Variants in RPS6KC1 observed in about 807,000 individuals in gnomAD.
RPS6KC1 encodes ribosomal protein S6 kinase C1, also known as inactive ribosomal protein S6 kinase delta-1.
A neutral mutation model predicts 103.8 loss-of-function variants in RPS6KC1; 54 were observed. The observed-to-expected ratio is 0.52, with a 90% CI of 0.42 to 0.65. The LOEUF is 0.65. RPS6KC1 is among the 30% of genes least tolerant of loss of function. The pLI is 0.00. For missense variants in RPS6KC1, 1,151 were observed against 1,253.8 expected, an observed-to-expected ratio of 0.92 and a Z score of 1.24; for synonymous variants, 439 against 438.7, an observed-to-expected ratio of 1.00 and a Z score of -0.01.
At chr1:213,806,148 C>T in the RPS6KC1 span, among the ~76,000 whole-genome samples, 6 of 152,128 alleles carry the variant, frequency 3.9e-5, no homozygotes, top group South Asian at 2.1e-4. Flanking sequence ...CTGGCTAACA[C>T]GGTGAAACCC....
At chr1:213,199,150 A>G (rs1482096018) in intron 8 of RPS6KC1, among the ~76,000 whole-genome samples, 1 of 152,252 alleles carries the variant, frequency 6.6e-6, no homozygotes, top group African/African-American at 2.4e-5. Flanking sequence ...TTATGAGGTC[A>G]GTATCACCCT....
the RPS6KC1 span, among the ~76,000 whole-genome samples, chr1:213,605,364 T>A: frequency 3.9e-5 from 6 of 152,248 alleles, no homozygotes; most frequent in Admixed American, 3.9e-4. Context: ...AGTTTTGGAA[T>A]CAGGACACTG....
At chr1:213,059,607 G>A (rs1178058330) in intron 1 of RPS6KC1, among the ~76,000 whole-genome samples, 2 of 152,066 alleles carry the variant, frequency 1.3e-5, no homozygotes, top group Non-Finnish European at 2.9e-5. Flanking sequence ...TCCGCCTTCC[G>A]GGTTCAAGTG....
chr1:213,205,383 T>A (rs2093308994), intron 8 of RPS6KC1: 1 of 984,456 alleles, frequency 1.0e-6, no homozygotes, highest in Non-Finnish European at 1.2e-6. Context: ...GTGAAGAAAG[T>A]GATAAGGTAA....
the RPS6KC1 span, among the ~76,000 whole-genome samples, chr1:213,441,197 G>A: frequency 6.6e-6 from 1 of 152,164 alleles, no homozygotes; most frequent in Admixed American, 6.5e-5. Context: ...GAAAGTCTAC[G>A]AAATTCTCCT....
the RPS6KC1 span, among the ~76,000 whole-genome samples, chr1:213,464,234 T>C: frequency 1.3e-5 from 2 of 152,168 alleles, no homozygotes; most frequent in African/African-American, 4.8e-5. Flanking sequence ...CTTTCCACCT[T>C]TTTTTATGTC....
the RPS6KC1 span, among the ~76,000 whole-genome samples, chr1:213,562,359 G>GTTTTTTTTTTTTTTTTTTTTTTTTTT: frequency 5.5e-5 from 2 of 36,278 alleles, 1 homozygote; most frequent in Non-Finnish European, 9.6e-5. Flanking sequence ...GAAAAGTTCT[G>GTTTTTTTTTTTTTTTTTTTTTTTTTT]TTTTTTTTTT....
the RPS6KC1 span, among the ~76,000 whole-genome samples, chr1:213,603,891 GA>G: frequency 1.0e-3 from 152 of 151,778 alleles, no homozygotes; most frequent in African/African-American, 3.6e-3. Flanking sequence ...AGAGAAAAAA[GA>G]AAAAAAAATT....
At chr1:213,542,043 T>C in the RPS6KC1 span, among the ~76,000 whole-genome samples, 1 of 152,174 alleles carries the variant, frequency 6.6e-6, no homozygotes, top group African/African-American at 2.4e-5. Context: ...CCTCTGTGGA[T>C]AGGGAGACAC....
chr1:213,301,507 T>A, the RPS6KC1 span, among the ~76,000 whole-genome samples: 1 of 152,162 alleles, frequency 6.6e-6, no homozygotes, highest in African/African-American at 2.4e-5. Context: ...TATAGTCCAG[T>A]GCTTCTCACG....
the RPS6KC1 span, among the ~76,000 whole-genome samples, chr1:213,859,633 A>G: frequency 2.0e-5 from 3 of 152,198 alleles, no homozygotes; most frequent in Admixed American, 2.0e-4. Context: ...CTTGTGGGCT[A>G]TAGTTTTCTG....
At chr1:213,785,075 A>T in the RPS6KC1 span, among the ~76,000 whole-genome samples, 9 of 152,282 alleles carry the variant, frequency 5.9e-5, no homozygotes, top group African/African-American at 1.7e-4. Flanking sequence ...CTTTGAAATA[A>T]GCCAAACACA....
At chr1:213,403,869 A>G in the RPS6KC1 span, among the ~76,000 whole-genome samples, 1 of 151,716 alleles carries the variant, frequency 6.6e-6, no homozygotes, top group African/African-American at 2.4e-5. Flanking sequence ...TCCTATCATG[A>G]GAAAACTGAA....
At chr1:213,522,428 G>A in the RPS6KC1 span, among the ~76,000 whole-genome samples, 1 of 152,180 alleles carries the variant, frequency 6.6e-6, no homozygotes, top group South Asian at 2.1e-4. Flanking sequence ...TGGTCAATGA[G>A]CATTGGCTTC....
At chr1:213,748,288 C>T in the RPS6KC1 span, among the ~76,000 whole-genome samples, 2 of 152,162 alleles carry the variant, frequency 1.3e-5, no homozygotes, top group Admixed American at 6.5e-5. Flanking sequence ...TCTCTTTCCT[C>T]TTTTGTGCTT....
the RPS6KC1 span, among the ~76,000 whole-genome samples, chr1:213,380,745 G>A: frequency 6.6e-6 from 1 of 152,202 alleles, no homozygotes; most frequent in Non-Finnish European, 1.5e-5. Flanking sequence ...CGGGGTGAAA[G>A]GACTGGGTGC....
At chr1:213,428,522 T>TCCTTCCTTCCTTCCTCTTTCTC in the RPS6KC1 span, among the ~76,000 whole-genome samples, 3 of 45,840 alleles carry the variant, frequency 6.5e-5, no homozygotes, top group African/African-American at 2.5e-4. Flanking sequence ...TCCTTCCTCT[T>TCCTTCCTTCCTTCCTCTTTCTC]TCTCTCTCTC....
chr1:213,715,711 A>G, the RPS6KC1 span, among the ~76,000 whole-genome samples: 1 of 152,228 alleles, frequency 6.6e-6, no homozygotes, highest in Non-Finnish European at 1.5e-5. Context: ...CCAGTAATGC[A>G]ATTGGATCAG....
rs187580167 is a variant in RPS6KC1 at position 213,238,090 on chromosome 1, C to G, written c.1226-2612C>G. Among the ~76,000 whole-genome samples the G allele has an allele frequency of 4.2e-3, 639 of 152,062 alleles. 2 individuals carry two copies. The highest frequency in any genetic ancestry group is 0.015 in the African/African-American group (603 of 41,500). ...GCTAGATAGAATCCTCTGCCTGCAG[C>G]TATTAAGACTTTACAGTCTCATGAA... On this transcript the variant is annotated intron_variant, in intron 10 of 14. Coordinates refer to ENST00000366960, the MANE Select transcript of RPS6KC1 (RefSeq NM_012424.6).
Sources: gnomAD v4.1 joint callset for allele counts (sites outside exome capture counted in the v4.1 genomes callset) on GRCh38, gnomAD v4.1.1 for gene constraint, MANE v1.5 for transcripts, NCBI Gene and HGNC (gene_info 2026-07-23, HGNC 2026-07-21) for gene names.